The following GPLD1 variants were observed in gnomAD, a reference collection of about 807,000 sequenced individuals.
The protein encoded by GPLD1 is glycosylphosphatidylinositol specific phospholipase D1.
Under a neutral mutation model 112.6 loss-of-function variants are expected in GPLD1, and 84 were observed. That is an observed-to-expected ratio of 0.75 (90% CI 0.63 to 0.89). The LOEUF is 0.89. GPLD1 is among the 40% of genes least tolerant of loss of function. The probability of loss-of-function intolerance (pLI) is 0.00; values close to 1 mark genes in which losing one functional copy is unlikely to be tolerated. For missense variants in GPLD1, 1,044 were observed against 1,051.5 expected (o/e 0.99, Z 0.10); for synonymous variants, 386 against 403.8 (o/e 0.96, Z 0.53).
At chr6:24,458,276 G>GC (rs2127346788) in intron 12 of GPLD1, among the ~76,000 whole-genome samples, 1 of 152,240 alleles carries the variant, frequency 6.6e-6, no homozygotes, top group African/African-American at 2.4e-5. Context: ...GCACGAGTAT[G>GC]CCTTCTGCTT....
In GPLD1 at chr6:24,448,183, G is replaced by A; in HGVS notation, c.1472C>T (p.Ser491Phe). ...GGAAGAAGACATTCCTCCTTGTTTG[G>A]AACCAAAGTAGACATACACGGCACC... ...YKGAVYVYFG[S>F]KQGGMSSSPN... is the part of the protein sequence containing the mutation. The change falls in exon 16 of 25, where the codon TCC (serine) becomes TTC (phenylalanine). Residue 491 changes from serine to phenylalanine, a missense_variant. Transcript: ENST00000230036. 1.2e-6 allele frequency: 2 copies of A among 1,609,200 alleles called. No homozygotes were observed. The highest frequency in any genetic ancestry group is 1.7e-6 in the Non-Finnish European group (2 of 1,178,552).
chr6:24,480,079 GA>G, intron 2 of GPLD1, 120 bp from the exon 3 acceptor site: 2 of 639,894 alleles, frequency 3.1e-6, no homozygotes, highest in Non-Finnish European at 2.8e-6. Flanking sequence ...GAATGAAAGG[GA>G]AAAAGGAAGG....
At position 24,434,837 on chromosome 6, in the gene GPLD1, C is replaced by CAAAAAAAAA. The variant is rs747085341; in HGVS notation, c.2359-1457_2359-1449dup. On this transcript the variant is annotated intron_variant, in intron 22 of 24. Coordinates refer to ENST00000230036, the MANE Select transcript of GPLD1 (RefSeq NM_001503.4). Reference sequence around the variant, plus strand: ...TGGGCGACAGAGCGAGACTCCGTCTCAAAAAAAAAAAAAAAAAAGACAGGG... The same window carrying CAAAAAAAAA: ...TGGGCGACAGAGCGAGACTCCGTCTCAAAAAAAAAAAAAAAAAAAAAAAAAAAGACAGGG... Among the ~76,000 whole-genome samples, 29 of 65,462 alleles carry CAAAAAAAAA rather than the reference C, an allele frequency of 4.4e-4. 1 individual carries two copies. Among genetic ancestry groups the CAAAAAAAAA allele is most frequent in the African/African-American group, 1.7e-3 (28 of 16,884 alleles). 42.9% of individuals were successfully genotyped at this position (65,462 alleles called of 152,430 possible).
intron 2 of GPLD1, among the ~76,000 whole-genome samples, chr6:24,483,770 G>A (rs962831279): frequency 3.3e-5 from 5 of 151,968 alleles, no homozygotes; most frequent in Non-Finnish European, 5.9e-5. Flanking sequence ...CTTATGGAGA[G>A]TCTCGTTCTG....
chr6:24,481,795 A>G (rs1177575484), intron 2 of GPLD1, among the ~76,000 whole-genome samples: 2 of 152,174 alleles, frequency 1.3e-5, no homozygotes, highest in Non-Finnish European at 2.9e-5. Context: ...CACACTGCAG[A>G]TATCAGTTAC....
At chr6:24,445,431 G>A in intron 20 of GPLD1, 115 bp downstream of exon 20, 2 of 678,806 alleles carry the variant, frequency 2.9e-6, no homozygotes, top group Non-Finnish European at 5.2e-6. Context: ...ATGAAAAAAG[G>A]AAATATTGAA....
At chr6:24,446,373 G>A (rs1388102963) in intron 18 of GPLD1, among the ~76,000 whole-genome samples, 2 of 151,794 alleles carry the variant, frequency 1.3e-5, no homozygotes, top group East Asian at 1.9e-4. Flanking sequence ...AGCTAGGCAT[G>A]GGCACACACG....
chr6:24,480,758 C>T lies in GPLD1; in HGVS notation c.154-799G>A, dbSNP rs574495952. 2.8e-4 allele frequency among the ~76,000 whole-genome samples: 42 copies of T among 152,246 alleles called. 2 individuals carry two copies. The South Asian group carries it at 6.6e-3, about 24-fold the overall frequency. Reference sequence around the variant, plus strand: ...TCAACTGGCTCACTTCCTTCCATTCCGAGTCCCTTATGGGATGTCTAGCTG... The same window carrying T: ...TCAACTGGCTCACTTCCTTCCATTCTGAGTCCCTTATGGGATGTCTAGCTG... On this transcript the variant is annotated intron_variant, in intron 2 of 24. Coordinates refer to ENST00000230036, the MANE Select transcript of GPLD1 (RefSeq NM_001503.4).
chr6:24,435,198 G>A (rs1416449926), intron 22 of GPLD1, among the ~76,000 whole-genome samples: 3 of 150,408 alleles, frequency 2.0e-5, no homozygotes, highest in Non-Finnish European at 4.4e-5. Flanking sequence ...TCTTTAGTAG[G>A]GACAGGGTTT....
At chr6:24,449,947 A>G (rs758823160) in intron 14 of GPLD1, 48 bp from the exon 15 acceptor site, 1 of 1,192,204 alleles carries the variant, frequency 8.4e-7, no homozygotes, top group South Asian at 1.3e-5. Flanking sequence ...ACGGCCTCGG[A>G]AAGAGCACTC....
chr6:24,446,831 G>A lies in GPLD1; in HGVS notation c.1820+7C>T, dbSNP rs1350679678. 2 of 1,612,754 alleles carry A rather than the reference G, an allele frequency of 1.2e-6. No homozygotes were observed. The highest frequency in any genetic ancestry group is 1.3e-5 in the African/African-American group (1 of 74,956). On this transcript the variant is annotated splice_region_variant and intron_variant, in intron 18 of 24. Coordinates refer to ENST00000230036, the MANE Select transcript of GPLD1 (RefSeq NM_001503.4). ...TCATGGTTCCCAGCCCCCAGCATCA[G>A]CCTCACCTGCTGGCATTCTTCCAGG... is the stretch of plus-strand genomic sequence containing the variant.
At chr6:24,475,648 T>A (rs1466842958) in intron 4 of GPLD1, among the ~76,000 whole-genome samples, 1 of 137,832 alleles carries the variant, frequency 7.3e-6, no homozygotes, top group Non-Finnish European at 1.5e-5. Context: ...ATCGAGACCA[T>A]CCTGGCTAAC....
chr6:24,467,392 T>G, intron 7 of GPLD1, 118 bp from the exon 8 acceptor site: 1 of 654,662 alleles, frequency 1.5e-6, no homozygotes, highest in Non-Finnish European at 2.7e-6. Context: ...CATGTAAAAG[T>G]CTTTACATGC....
chr6:24,487,211 A>G (rs532949751), intron 1 of GPLD1, among the ~76,000 whole-genome samples: 1 of 152,354 alleles, frequency 6.6e-6, no homozygotes, highest in Non-Finnish European at 1.5e-5. Flanking sequence ...ATTTACGCTG[A>G]ATGAAGCCAT....
intron 10 of GPLD1, among the ~76,000 whole-genome samples, chr6:24,464,631 C>T (rs151080399): frequency 1.4e-3 from 206 of 152,310 alleles, no homozygotes; most frequent in Middle Eastern, 6.8e-3. Context: ...AGGAATATCA[C>T]CCAGTATAAT....
At chr6:24,463,644 T>C (rs1309948692) in intron 10 of GPLD1, among the ~76,000 whole-genome samples, 1 of 152,174 alleles carries the variant, frequency 6.6e-6, no homozygotes, top group Non-Finnish European at 1.5e-5. Context: ...TTGAGGTGAG[T>C]AGAGTTCTTG....
chr6:24,425,757 C>G (rs998046640), downstream of GPLD1: 1 of 152,202 alleles, frequency 6.6e-6, no homozygotes. Context: ...CTTTGGAAGG[C>G]TCCTAAACAA....
Position 24,460,358 on chromosome 6 carries a change from G to A in GPLD1, c.929C>T (p.Thr310Ile). The change falls in exon 12 of 25, where the codon ACA becomes ATA. Residue 310 changes from threonine (T) to isoleucine (I), a missense_variant. Thr to Ile is a moderately conservative substitution (Grantham distance 89). Coordinates refer to ENST00000230036, the MANE Select transcript of GPLD1 (RefSeq NM_001503.4). The part of the protein sequence containing the change: ...QKNDFHRNLT[T>I]SLTESVDRNI... The stretch of plus-strand genomic sequence containing the variant: ...CCTGTCAACACTTTCAGTTAGGGAT[G>A]TAGTCAAATTTCTGTGAAAATCATT... The A allele has an allele frequency of 6.2e-7, 1 of 1,612,806 alleles. No homozygotes were observed. Among genetic ancestry groups the A allele is most frequent in the African/African-American group, 1.3e-5 (1 of 75,036 alleles).
chr6:24,467,338 A>T, intron 7 of GPLD1, 64 bp from the exon 8 acceptor site: 1 of 863,342 alleles, frequency 1.2e-6, no homozygotes, highest in South Asian at 1.4e-5. Flanking sequence ...TAACAACAGC[A>T]GCAGCAGCTA....
Sources: allele counts gnomAD v4.1 joint callset (sites outside exome capture counted in the v4.1 genomes callset), GRCh38; gene constraint gnomAD v4.1.1; transcripts MANE v1.5; gene names NCBI Gene and HGNC (gene_info 2026-07-23, HGNC 2026-07-21).